The following APLP2 variants were observed in gnomAD, a reference collection of about 807,000 sequenced individuals.
The protein encoded by APLP2 is amyloid beta precursor like protein 2.
Under a neutral mutation model 89.9 loss-of-function variants are expected in APLP2, and 53 were observed. The observed-to-expected ratio is 0.59, with a 90% CI of 0.47 to 0.74. APLP2 has a LOEUF of 0.74. APLP2 is among the 30% of genes least tolerant of loss of function. The pLI is 0.00. For synonymous variants in APLP2, 372 were observed against 348.6 expected (o/e 1.07, Z -0.75); for missense variants, 973 against 975.9 (o/e 1.00, Z 0.04).
At chr11:130,113,120 A>G (rs751063873) in intron 3 of APLP2, among the ~76,000 whole-genome samples, 9 of 152,124 alleles carry the variant, frequency 5.9e-5, no homozygotes, top group Non-Finnish European at 1.3e-4. Context: ...TTCTCCAACT[A>G]TGCTGTGAAC....
intron 1 of APLP2, among the ~76,000 whole-genome samples, chr11:130,090,247 C>CTTTTTTTTTTTTTTTTTTTT (rs539249012): frequency 3.5e-5 from 3 of 86,100 alleles, no homozygotes; most frequent in African/African-American, 1.3e-4. Flanking sequence ...CTAGCTCTGT[C>CTTTTTTTTTTTTTTTTTTTT]TTTTTTTTTT....
At chr11:130,107,336 G>T (rs950426702) in intron 1 of APLP2, among the ~76,000 whole-genome samples, 1 of 152,206 alleles carries the variant, frequency 6.6e-6, no homozygotes, top group African/African-American at 2.4e-5. Flanking sequence ...TATCCCAGAT[G>T]GGGATTGAGG....
chr11:130,138,296 A>AATC (rs1951874609), intron 13 of APLP2, among the ~76,000 whole-genome samples: 1 of 152,220 alleles, frequency 6.6e-6, no homozygotes, highest in South Asian at 2.1e-4. Context: ...GTGTGATTTC[A>AATC]ATCTTCTGAA....
At chr11:130,071,970 C>A (rs1941189965) in intron 1 of APLP2, among the ~76,000 whole-genome samples, 1 of 152,104 alleles carries the variant, frequency 6.6e-6, no homozygotes, top group Admixed American at 6.5e-5. Context: ...TGAGAGTGGC[C>A]TAAATCAGGA....
At chr11:130,076,631 C>T (rs950247028) in intron 1 of APLP2, among the ~76,000 whole-genome samples, 3 of 152,086 alleles carry the variant, frequency 2.0e-5, no homozygotes, top group Admixed American at 2.0e-4. Flanking sequence ...GAGTGGGGCA[C>T]CTAAAAGGTT....
intron 1 of APLP2, among the ~76,000 whole-genome samples, chr11:130,085,451 CAAAAA>C (rs34343827): frequency 6.8e-6 from 1 of 146,678 alleles, no homozygotes; most frequent in Non-Finnish European, 1.5e-5. Flanking sequence ...GACTCCATCT[CAAAAA>C]AAAAACCAAA....
chr11:130,139,888 A>C (rs1952132730), intron 13 of APLP2, among the ~76,000 whole-genome samples: 1 of 152,182 alleles, frequency 6.6e-6, no homozygotes, highest in Non-Finnish European at 1.5e-5. Flanking sequence ...CCCAGGACCA[A>C]CTGAAACTTG....
intron 1 of APLP2, among the ~76,000 whole-genome samples, chr11:130,071,554 G>T (rs946005461): frequency 2.0e-5 from 3 of 152,106 alleles, no homozygotes; most frequent in Non-Finnish European, 4.4e-5. Context: ...TCACTAGTGG[G>T]TCGGGTGTCA....
At position 130,141,448 on chromosome 11, in the gene APLP2, C is replaced by A; in HGVS notation, c.1924-50C>A. 6.7e-7 allele frequency: 1 copy of A among 1,495,118 alleles called. No homozygotes were observed. The highest frequency in any genetic ancestry group is 1.9e-4 in the Middle Eastern group (1 of 5,280). 92.6% of individuals were successfully genotyped at this position (1,495,118 alleles called of 1,614,324 possible). A position where few individuals can be genotyped will look rare whatever the true frequency, so the allele number is the denominator to read the frequency against. Reference sequence around the variant, plus strand: ...GAGGAAGGAGGCAGTAAATACCAAACTCCCCGTTCACCCAGTTGCTTGCTG... The same window carrying A: ...GAGGAAGGAGGCAGTAAATACCAAAATCCCCGTTCACCCAGTTGCTTGCTG... On this transcript the variant is annotated intron_variant, in intron 14 of 16. Coordinates refer to ENST00000338167, the MANE Select transcript of APLP2 (RefSeq NM_001142276.2). This position sits in a 1 kb window ranked among gnomAD's most constrained non-coding sequence, Gnocchi z 4.2.
At chr11:130,070,626 CG>C in intron 1 of APLP2, 2 of 1,449,408 alleles carry the variant, frequency 1.4e-6, no homozygotes, top group Non-Finnish European at 1.8e-6. Context: ...CTGCGAGCCC[CG>C]GGGGAGCTCC....
intron 1 of APLP2, among the ~76,000 whole-genome samples, chr11:130,083,176 C>T (rs1176277581): frequency 1.3e-5 from 2 of 151,768 alleles, no homozygotes; most frequent in Non-Finnish European, 1.5e-5. Flanking sequence ...GCTGGGATCA[C>T]AGGCGTTGAG....
intron 1 of APLP2, among the ~76,000 whole-genome samples, chr11:130,107,006 C>T (rs1947876688): frequency 6.6e-6 from 1 of 152,148 alleles, no homozygotes; most frequent in South Asian, 2.1e-4. Flanking sequence ...TTTTTATGTG[C>T]TTTCTCAACA....
intron 1 of APLP2, among the ~76,000 whole-genome samples, chr11:130,084,149 G>A (rs947632722): frequency 8.5e-5 from 13 of 152,194 alleles, no homozygotes; most frequent in Non-Finnish European, 1.6e-4. Flanking sequence ...GGGAGGCTGA[G>A]GCAGGAGAAT....
intron 3 of APLP2, among the ~76,000 whole-genome samples, chr11:130,114,930 T>G (rs1348580904): frequency 6.6e-6 from 1 of 152,230 alleles, no homozygotes; most frequent in African/African-American, 2.4e-5. Context: ...AGGTGTCCTT[T>G]TGCAAGTCTT....
chr11:130,093,228 C>T (rs1254187693), intron 1 of APLP2, among the ~76,000 whole-genome samples: 3 of 152,210 alleles, frequency 2.0e-5, no homozygotes, highest in Non-Finnish European at 1.5e-5. Context: ...AACTTCCAAC[C>T]ATCTTCTTAG....
chr11:130,089,080 C>T (rs1302172128), intron 1 of APLP2, among the ~76,000 whole-genome samples: 1 of 152,114 alleles, frequency 6.6e-6, no homozygotes, highest in Non-Finnish European at 1.5e-5. Flanking sequence ...CGTCCAATTT[C>T]TTTGGCTGTT....
At position 130,122,522 on chromosome 11, in the gene APLP2, A is replaced by C. The variant is rs2298587; in HGVS notation, c.922+9A>C. ...TACTCATGATGTCAAAGGTAACCCCATGTAGAGCCATGGCTTTGAAATCCA... is the reference window on the plus strand; with the variant it reads ...TACTCATGATGTCAAAGGTAACCCCCTGTAGAGCCATGGCTTTGAAATCCA... On this transcript the variant is annotated intron_variant, in intron 6 of 16. Coordinates refer to ENST00000338167, the MANE Select transcript of APLP2 (RefSeq NM_001142276.2). 979 of 1,613,954 alleles carry C rather than the reference A, an allele frequency of 6.1e-4. 18 individuals carry two copies. In the East Asian group the frequency reaches 0.016, roughly 26 times the overall value.
intron 1 of APLP2, among the ~76,000 whole-genome samples, chr11:130,094,561 A>G (rs11824255): frequency 0.06 from 9,072 of 152,340 alleles, 281 homozygotes; most frequent in Non-Finnish European, 0.073. Context: ...AGATTTATCA[A>G]TAGCAGTGCT....
chr11:130,097,952 C>T (rs771411251), intron 1 of APLP2, among the ~76,000 whole-genome samples: 8 of 152,112 alleles, frequency 5.3e-5, no homozygotes, highest in African/African-American at 9.7e-5. Flanking sequence ...TACCCTTACG[C>T]GTGGATGTGT....
Sources: gnomAD v4.1 joint callset for allele counts (sites outside exome capture counted in the v4.1 genomes callset) on GRCh38, gnomAD v4.1.1 for gene constraint, Gnocchi (gnomAD v3.1) non-coding constraint, MANE v1.5 for transcripts, NCBI Gene and HGNC (gene_info 2026-07-23, HGNC 2026-07-21) for gene names.